Variants in ARHGAP12 observed in about 807,000 individuals in gnomAD.
ARHGAP12 encodes the protein Rho GTPase activating protein 12.
In ARHGAP12, 64 loss-of-function variants were observed where a neutral mutation model predicts 108.6. The observed-to-expected ratio is 0.59, with a 90% CI of 0.48 to 0.73. The LOEUF is 0.73. Ranked by LOEUF, ARHGAP12 falls within the 30% of genes least tolerant of loss-of-function variation. The pLI, the probability that ARHGAP12 is intolerant of heterozygous loss-of-function variation, is 0.00. For missense variants in ARHGAP12, 940 were observed against 1,005.9 expected (o/e 0.93, Z 0.89); for synonymous variants, 312 against 337.2 (o/e 0.93, Z 0.82).
chr10:31,885,138 A>C (rs764824022), intron 3 of ARHGAP12, among the ~76,000 whole-genome samples: 1 of 152,174 alleles, frequency 6.6e-6, no homozygotes, highest in South Asian at 2.1e-4. Context: ...GAAAATGTCT[A>C]ATGTCCTAGT....
At chr10:31,861,803 AAC>A (rs1166317988) in intron 3 of ARHGAP12, 145 bp from the exon 4 acceptor site, 2 of 834,030 alleles carry the variant, frequency 2.4e-6, no homozygotes, top group African/African-American at 1.7e-5. Flanking sequence ...ATAATAATTT[AAC>A]AGTTTTAATA....
chr10:31,857,122 T>C (rs563562939), intron 4 of ARHGAP12, among the ~76,000 whole-genome samples: 2 of 152,204 alleles, frequency 1.3e-5, no homozygotes, highest in Admixed American at 6.5e-5. Flanking sequence ...ATTCAAATCA[T>C]TCATACGCAC....
At position 31,807,618 on chromosome 10, in the gene ARHGAP12, G is replaced by A. The variant is rs115259032; in HGVS notation, c.*40C>T. Reference sequence around the variant, plus strand: ...TGTGTATAAACATTTGAAATCTGATGGAATCCAGCTTCTATTCCACAGGTT... The same window carrying A: ...TGTGTATAAACATTTGAAATCTGATAGAATCCAGCTTCTATTCCACAGGTT... On this transcript the variant is annotated 3_prime_UTR_variant, in exon 20 of 20. Transcript: ENST00000344936. 147 of 1,548,152 alleles carry A rather than the reference G, an allele frequency of 9.5e-5. No homozygotes were observed. The African/African-American group carries it at 1.9e-3, about 20-fold the overall frequency.
At position 31,810,630 on chromosome 10, in the gene ARHGAP12, A is replaced by G. The variant is rs750799793; in HGVS notation, c.2050+19T>C. On this transcript the variant is annotated intron_variant, in intron 16 of 19. Coordinates refer to ENST00000344936, the MANE Select transcript of ARHGAP12 (RefSeq NM_018287.7). ...GGTTTGCTTAATGTTAAAAAAAAAA[A>G]TCAAAATCCTTCTCTTACCATGTTC... 1.3e-6 allele frequency: 2 copies of G among 1,489,388 alleles called. No individual in the cohort carries two copies. Among genetic ancestry groups the G allele is most frequent in the East Asian group, 2.4e-5 (1 of 42,030 alleles). 92.3% of individuals were successfully genotyped at this position (1,489,388 alleles called of 1,614,324 possible). A position where few individuals can be genotyped will look rare whatever the true frequency, so the allele number is the denominator to read the frequency against.
chr10:31,824,025 C>T (rs1835509398), intron 11 of ARHGAP12, among the ~76,000 whole-genome samples: 1 of 152,218 alleles, frequency 6.6e-6, no homozygotes, highest in Admixed American at 6.5e-5. Context: ...TTGTATGTTT[C>T]TCTAAATTTT....
Position 31,807,635 on chromosome 10 carries a change from C to T in ARHGAP12, c.*23G>A, listed in dbSNP as rs1834865262. 1.3e-6 allele frequency: 2 copies of T among 1,575,472 alleles called. No homozygotes were observed. The highest frequency in any genetic ancestry group is 1.7e-6 in the Non-Finnish European group (2 of 1,165,862). On this transcript the variant is annotated 3_prime_UTR_variant, in exon 20 of 20. Coordinates refer to ENST00000344936, the MANE Select transcript of ARHGAP12 (RefSeq NM_018287.7). ...AATCTGATGGAATCCAGCTTCTATTCCACAGGTTGTCTTCAGTAAGAATCA... is the reference window on the plus strand; with the variant it reads ...AATCTGATGGAATCCAGCTTCTATTTCACAGGTTGTCTTCAGTAAGAATCA...
At chr10:31,829,475 A>AT in intron 10 of ARHGAP12, among the ~76,000 whole-genome samples, 1 of 152,130 alleles carries the variant, frequency 6.6e-6, no homozygotes, top group Middle Eastern at 3.2e-3. Context: ...AAACTTATGT[A>AT]TTTTTTTACC....
intron 3 of ARHGAP12, among the ~76,000 whole-genome samples, chr10:31,897,507 T>C (rs535857278): frequency 6.6e-6 from 1 of 152,114 alleles, no homozygotes; most frequent in African/African-American, 2.4e-5. Context: ...GCGCCTACCT[T>C]AAGTAGTATC....
chr10:31,854,978 G>A (rs888603525), intron 4 of ARHGAP12, among the ~76,000 whole-genome samples: 3 of 135,230 alleles, frequency 2.2e-5, no homozygotes, highest in African/African-American at 5.5e-5. Flanking sequence ...TTATTCAAAA[G>A]AAGAACAAGG....
At chr10:31,915,994 G>C (rs1053235880) in intron 1 of ARHGAP12, among the ~76,000 whole-genome samples, 2 of 152,106 alleles carry the variant, frequency 1.3e-5, no homozygotes, top group Non-Finnish European at 2.9e-5. Context: ...CTGTTCCCCA[G>C]ACCTGTAGAT....
At chr10:31,813,556 T>C (rs1301100508) in intron 14 of ARHGAP12, among the ~76,000 whole-genome samples, 2 of 152,202 alleles carry the variant, frequency 1.3e-5, no homozygotes, top group African/African-American at 4.8e-5. Context: ...ATGTCAGTAA[T>C]AGGCCTAAAG....
intron 6 of ARHGAP12, among the ~76,000 whole-genome samples, chr10:31,846,077 A>C (rs950055868): frequency 6.6e-6 from 1 of 152,148 alleles, no homozygotes; most frequent in East Asian, 1.9e-4. Context: ...TAGGGATTAC[A>C]ATATACATAA....
At position 31,861,566 on chromosome 10, in the gene ARHGAP12, A is replaced by G. The variant is rs745836250; in HGVS notation, c.777T>C (p.Leu259=). 3.1e-6 allele frequency: 5 copies of G among 1,614,158 alleles called. No homozygotes were observed. The highest frequency in any genetic ancestry group is 3.4e-6 in the Non-Finnish European group (4 of 1,180,020). Residue 259 remains leucine, a synonymous_variant, in exon 4 of 20, where the codon CTT becomes CTC. Transcript: ENST00000344936. The stretch of plus-strand genomic sequence containing the variant: ...TAATCTGAATTGCCGGGCTCCCAGG[A>G]AGTGGGGGAAGAGCAGACTGGGATA... ...LKISQSALPP[L]PGSPAIQING...
At chr10:31,825,890 C>T (rs1835587277) in intron 11 of ARHGAP12, among the ~76,000 whole-genome samples, 1 of 152,166 alleles carries the variant, frequency 6.6e-6, no homozygotes, top group Admixed American at 6.5e-5. Flanking sequence ...ACACCTCAAT[C>T]ACTGATTTGT....
chr10:31,808,232 C>A (rs1435947615), intron 19 of ARHGAP12, among the ~76,000 whole-genome samples: 1 of 150,012 alleles, frequency 6.7e-6, no homozygotes. Context: ...AAAAAAAAAA[C>A]TCTCTCTAGC....
intron 3 of ARHGAP12, among the ~76,000 whole-genome samples, chr10:31,906,083 C>T (rs1221373787): frequency 1.3e-5 from 2 of 152,108 alleles, no homozygotes; most frequent in Non-Finnish European, 2.9e-5. Flanking sequence ...CTCTCTGCTC[C>T]ATCTGAAGAA....
In ARHGAP12 at chr10:31,808,405, C is replaced by T. The variant is rs550200240; in HGVS notation, c.2366+244G>A. The stretch of plus-strand genomic sequence containing the variant: ...TAACCTTAGCAACAATTTCTGAACA[C>T]CTACTATGTGCTAAGCATTACATAA... On this transcript the variant is annotated intron_variant, in intron 19 of 19. Coordinates refer to ENST00000344936, the MANE Select transcript of ARHGAP12 (RefSeq NM_018287.7). 9.7e-5 allele frequency: 29 copies of T among 299,828 alleles called. No homozygotes were observed. The South Asian group carries it at 1.6e-3, about 17-fold the overall frequency. The allele number at this position is 299,828 out of a possible 1,614,324, so 18.6% of individuals were successfully genotyped here. A position where few individuals can be genotyped will look rare whatever the true frequency, so the allele number is the denominator to read the frequency against.
intron 1 of ARHGAP12, among the ~76,000 whole-genome samples, chr10:31,928,139 C>A (rs1840130973): frequency 6.6e-6 from 1 of 152,076 alleles, no homozygotes; most frequent in Non-Finnish European, 1.5e-5. Context: ...AGGGAGTGGG[C>A]CCAGGGCGCG....
At chr10:31,892,873 A>T (rs1393786958) in intron 3 of ARHGAP12, among the ~76,000 whole-genome samples, 1 of 152,192 alleles carries the variant, frequency 6.6e-6, no homozygotes, top group Non-Finnish European at 1.5e-5. Context: ...CAGCAAATGT[A>T]AAATAACAGA....
Sources: gnomAD v4.1 joint callset for allele counts (sites outside exome capture counted in the v4.1 genomes callset) on GRCh38, gnomAD v4.1.1 for gene constraint, MANE v1.5 for transcripts, NCBI Gene and HGNC (gene_info 2026-07-23, HGNC 2026-07-21) for gene names.